Variants in NRXN2 observed in about 807,000 individuals in gnomAD.
The protein encoded by NRXN2 is neurexin 2.
In NRXN2, 29 loss-of-function variants were observed where a neutral mutation model predicts 128.8. The ratio of observed to expected loss-of-function variants is 0.23; its 90% CI spans 0.17 to 0.31. The LOEUF (loss-of-function observed/expected upper bound fraction) is 0.31. NRXN2 is among the 10% of genes least tolerant of loss of function. The pLI is 1.00. For missense variants in NRXN2, 1,881 were observed against 2,452.6 expected (o/e 0.77, Z 4.92); for synonymous variants, 1,098 against 1,075.2 (o/e 1.02, Z -0.41).
chr11:64,683,070 A>G (rs2052526288), intron 6 of NRXN2, among the ~76,000 whole-genome samples: 1 of 152,176 alleles, frequency 6.6e-6, no homozygotes, highest in Admixed American at 6.5e-5. Context: ...GCTGGTTCTC[A>G]GAGAGGTCCT....
Position 64,648,716 on chromosome 11 carries a change from C to A in NRXN2, c.3283+18G>T. On this transcript the variant is annotated intron_variant, in intron 16 of 22. Coordinates refer to ENST00000265459, the MANE Select transcript of NRXN2 (RefSeq NM_015080.4). The surrounding 1 kb of genome is among the most constrained non-coding windows in gnomAD (Gnocchi z 4.1). ...GTAGCCAGTAGGGCCACACCTCACT[C>A]CTCCACCCTCCACTCACCATCACAG... The A allele has an allele frequency of 6.2e-7, 1 of 1,612,834 alleles. No individual in the cohort carries two copies. Among genetic ancestry groups the A allele is most frequent in the Non-Finnish European group, 8.5e-7 (1 of 1,179,870 alleles).
chr11:64,707,704 G>C (rs978246186), intron 2 of NRXN2, among the ~76,000 whole-genome samples: 1 of 152,248 alleles, frequency 6.6e-6, no homozygotes, highest in Non-Finnish European at 1.5e-5. Flanking sequence ...TGGGGGCAAA[G>C]AGAGTTTAAG....
At chr11:64,614,415 T>C (rs993439111) in intron 22 of NRXN2, among the ~76,000 whole-genome samples, 5 of 152,218 alleles carry the variant, frequency 3.3e-5, no homozygotes, top group Non-Finnish European at 5.9e-5. Flanking sequence ...CAAATCTGCA[T>C]GAGCAGGGGT....
chr11:64,645,739 AGTT>A (rs1307989759), intron 17 of NRXN2, among the ~76,000 whole-genome samples: 3 of 152,004 alleles, frequency 2.0e-5, no homozygotes, highest in African/African-American at 4.8e-5. Context: ...AGTGGGGAAA[AGTT>A]GTTCTGAAGG....
intron 4 of NRXN2, among the ~76,000 whole-genome samples, chr11:64,690,964 AC>A (rs1321220093): frequency 6.6e-6 from 1 of 151,682 alleles, no homozygotes; most frequent in Non-Finnish European, 1.5e-5. Flanking sequence ...TGACGCAGAC[AC>A]CCCCTCCTCC....
chr11:64,665,097 A>G lies in NRXN2; in HGVS notation c.1798+2153T>C, dbSNP rs182114794. On this transcript the variant is annotated intron_variant, in intron 9 of 22. Transcript: ENST00000265459. ...AGAGTTCGAGACCATTCTGGCCAAC[A>G]TGGTAAACCCCCATCTCTACTAAAA... Among the ~76,000 whole-genome samples the G allele has an allele frequency of 2.3e-3, 343 of 151,864 alleles. 2 individuals carry two copies. Among genetic ancestry groups the G allele is most frequent in the Non-Finnish European group, 2.3e-3 (157 of 67,972 alleles).
chr11:64,660,470 T>A lies in NRXN2; in HGVS notation c.2251A>T (p.Thr751Ser). ...MKIMLPNAMHTEAEDVSLRFM... is the reference protein window; with the variant it reads ...MKIMLPNAMHSEAEDVSLRFM... ...CGCAGGGACACATCCTCTGCCTCCG[T>A]GTGCATGGCGTTAGGCAGCATGATC... Residue 751 changes from threonine (T) to serine (S), a missense_variant, in exon 11 of 23, where the codon ACG (threonine) becomes TCG (serine). By Grantham distance (58) the Thr-to-Ser change is moderately conservative (BLOSUM62 1). Coordinates refer to ENST00000265459, the MANE Select transcript of NRXN2 (RefSeq NM_015080.4). This position sits in a 1 kb window ranked among gnomAD's most constrained non-coding sequence, Gnocchi z 5.2. 6.2e-7 allele frequency: 1 copy of A among 1,614,182 alleles called. No homozygotes were observed. The highest frequency in any genetic ancestry group is 1.7e-5 in the Admixed American group (1 of 60,028).
At chr11:64,664,957 T>A (rs1490399615) in intron 9 of NRXN2, among the ~76,000 whole-genome samples, 1 of 134,574 alleles carries the variant, frequency 7.4e-6, no homozygotes, top group African/African-American at 2.9e-5. Flanking sequence ...GCCACTGCAC[T>A]CCAGCCTGGG....
intron 11 of NRXN2, among the ~76,000 whole-genome samples, chr11:64,653,950 G>A (rs534975461): frequency 1.3e-5 from 2 of 152,286 alleles, no homozygotes; most frequent in East Asian, 3.9e-4. Context: ...GGAAGGCAGG[G>A]CAGTCAGATG....
At chr11:64,698,389 A>C (rs1020788445) in intron 2 of NRXN2, among the ~76,000 whole-genome samples, 36 of 152,176 alleles carry the variant, frequency 2.4e-4, no homozygotes, top group African/African-American at 8.0e-4. Flanking sequence ...GTGAAAAGAC[A>C]TCAAGACACA....
In NRXN2 at chr11:64,622,328, G is replaced by A. The variant is rs2042476904; in HGVS notation, c.4173+425C>T. 6.6e-6 allele frequency among the ~76,000 whole-genome samples: 1 copy of A among 152,166 alleles called. No homozygotes were observed. The highest frequency in any genetic ancestry group is 1.5e-5 in the Non-Finnish European group (1 of 68,014). The stretch of plus-strand genomic sequence containing the variant: ...TCCCATGCTGTCACCCCTGCCCACA[G>A]CAGGGCCAGCCTGGTACCATCCATC... On this transcript the variant is annotated intron_variant, in intron 21 of 22. Coordinates refer to ENST00000265459, the MANE Select transcript of NRXN2 (RefSeq NM_015080.4). The surrounding 1 kb of genome is among the most constrained non-coding windows in gnomAD (Gnocchi z 4.3).
At chr11:64,695,903 CCTGT>C (rs374698664) in intron 3 of NRXN2, among the ~76,000 whole-genome samples, 59 of 152,168 alleles carry the variant, frequency 3.9e-4, no homozygotes, top group African/African-American at 1.3e-3. Flanking sequence ...CCTTCTTGTT[CCTGT>C]CTATCAGCCC....
chr11:64,643,197 G>T, intron 17 of NRXN2: 1 of 979,228 alleles, frequency 1.0e-6, no homozygotes, highest in Non-Finnish European at 1.2e-6. Context: ...GAAATCCTGC[G>T]GAAAAACCGA....
intron 17 of NRXN2, among the ~76,000 whole-genome samples, chr11:64,643,873 C>T (rs1466625510): frequency 6.7e-6 from 1 of 149,984 alleles, no homozygotes; most frequent in Admixed American, 6.6e-5. Context: ...TTCCTCCCCG[C>T]CCACCCCACC....
In NRXN2 at chr11:64,608,075, C is replaced by G; in HGVS notation, c.4260G>C (p.Glu1420Asp). The G allele has an allele frequency of 6.3e-7, 1 of 1,585,726 alleles. No homozygotes were observed. The highest frequency in any genetic ancestry group is 8.5e-7 in the Non-Finnish European group (1 of 1,174,166). The change falls in exon 23 of 23, where the codon GAG (glutamate) becomes GAC (aspartate). Residue 1420 changes from glutamate (E) to aspartate (D), a missense_variant. Physicochemically the swap from Glu to Asp is conservative, Grantham distance 45. Coordinates refer to ENST00000265459, the MANE Select transcript of NRXN2 (RefSeq NM_015080.4). The part of the protein sequence containing the change: ...LEECEPSTGG[E>D]LILPIITEDS... The stretch of plus-strand genomic sequence containing the variant: ...CCTCCGTGATAATGGGCAATATTAA[C>G]TCTCCTCCTAGAACAAGAGAGAGAA...
chr11:64,706,150 GTATATATATATA>G (rs768634375), intron 2 of NRXN2, among the ~76,000 whole-genome samples: 2 of 260 alleles, frequency 7.7e-3, no homozygotes, highest in Non-Finnish European at 9.5e-3. Flanking sequence ...TATATATAAA[GTATATATATATA>G]ATATATATAA....
At chr11:64,646,389 G>C (rs2046650857) in intron 17 of NRXN2, 1 of 152,456 alleles carries the variant, frequency 6.6e-6, no homozygotes, top group Non-Finnish European at 1.5e-5. Flanking sequence ...TCCACTGTGT[G>C]GGAGTGAAGC....
intron 7 of NRXN2, among the ~76,000 whole-genome samples, chr11:64,671,126 C>A (rs187447565): frequency 6.6e-6 from 1 of 152,262 alleles, no homozygotes; most frequent in African/African-American, 2.4e-5. Flanking sequence ...TTGCAGATCA[C>A]TCCCATGTGC....
intron 2 of NRXN2, among the ~76,000 whole-genome samples, chr11:64,705,221 CCAACTGACCAGCT>C (rs1357612732): frequency 2.6e-5 from 4 of 152,142 alleles, no homozygotes; most frequent in Non-Finnish European, 5.9e-5. Flanking sequence ...AATCAATAGA[CCAACTGACCAGCT>C]CTCCTTTCAG....
Sources: gnomAD v4.1 joint callset for allele counts (sites outside exome capture counted in the v4.1 genomes callset) on GRCh38, gnomAD v4.1.1 for gene constraint, Gnocchi (gnomAD v3.1) non-coding constraint, MANE v1.5 for transcripts, NCBI Gene and HGNC (gene_info 2026-07-23, HGNC 2026-07-21) for gene names.